The following CDK5RAP3 variants were observed in gnomAD, a reference collection of about 807,000 sequenced individuals.
The protein encoded by CDK5RAP3 is CDK5 regulatory subunit-associated protein 3.
CDK5RAP3 carries 58 observed loss-of-function variants against 73.3 expected under a neutral mutation model. That is an observed-to-expected ratio of 0.79 (90% CI 0.64 to 0.98). The LOEUF is 0.98. Among genes scored for constraint, CDK5RAP3 ranks in the 50% least tolerant of loss-of-function variants. The pLI, the probability that CDK5RAP3 is intolerant of heterozygous loss-of-function variation, is 0.00. For missense variants in CDK5RAP3, 525 were observed against 615.8 expected (o/e 0.85, Z 1.56); for synonymous variants, 224 against 247.5 (o/e 0.91, Z 0.89).
At chr17:47,974,205 T>C (rs538253737) in intron 4 of CDK5RAP3, 174 bp downstream of exon 4, 1 of 709,132 alleles carries the variant, frequency 1.4e-6, no homozygotes, top group South Asian at 1.8e-5. Context: ...TGAGTTTAAT[T>C]TTCAAACCCA....
upstream of CDK5RAP3, chr17:47,970,787 G>C (rs1387401471): frequency 2.0e-6 from 3 of 1,485,026 alleles, no homozygotes; most frequent in East Asian, 7.4e-5. Flanking sequence ...AATCTGCGTG[G>C]AGAAGACCCA....
upstream of CDK5RAP3, among the ~76,000 whole-genome samples, chr17:47,969,311 C>CT (rs1391111288): frequency 6.6e-6 from 1 of 151,892 alleles, no homozygotes; most frequent in Non-Finnish European, 1.5e-5. Context: ...AATCCCAGCA[C>CT]TTTAGGAGGC....
chr17:47,977,808 T>C, intron 9 of CDK5RAP3, 24 bp from the exon 10 acceptor site: 2 of 1,605,836 alleles, frequency 1.2e-6, no homozygotes, highest in Non-Finnish European at 1.7e-6. Context: ...CCCCCATTGC[T>C]GTGGTTCTTT....
rs765323967 is a variant in CDK5RAP3 at position 47,981,459 on chromosome 17, G to A, written c.1478G>A (p.Arg493Lys). 3.1e-6 allele frequency: 5 copies of A among 1,614,248 alleles called. No homozygotes were observed. The Admixed American group carries it at 8.3e-5, about 27-fold the overall frequency. ...CAGATTGAAGCTGACATCTCCAAGAGGTACAGCGGGCGCCCTGTGAACCTG... is the reference window on the plus strand; with the variant it reads ...CAGATTGAAGCTGACATCTCCAAGAAGTACAGCGGGCGCCCTGTGAACCTG... Reference protein sequence around the residue: ...QKLIEADISKRYSGRPVNLMG... With the variant: ...QKLIEADISKKYSGRPVNLMG... The change falls in exon 14 of 14, where the codon AGG becomes AAG. Residue 493 changes from arginine (R) to lysine (K), a missense_variant. Transcript: ENST00000338399.
At chr17:47,968,269 T>G (rs1249087708), upstream of CDK5RAP3, among the ~76,000 whole-genome samples, 1 of 152,124 alleles carries the variant, frequency 6.6e-6, no homozygotes, top group African/African-American at 2.4e-5. Flanking sequence ...TGAGCCATTT[T>G]CAGAGCAGTT....
upstream of CDK5RAP3, chr17:47,970,843 G>T: frequency 2.1e-6 from 3 of 1,408,328 alleles, no homozygotes; most frequent in Non-Finnish European, 2.9e-6. Flanking sequence ...CTCGAGCGCC[G>T]CCTGTCGCAA....
At chr17:47,969,654 C>A (rs2036225977), upstream of CDK5RAP3, among the ~76,000 whole-genome samples, 1 of 151,854 alleles carries the variant, frequency 6.6e-6, no homozygotes, top group Non-Finnish European at 1.5e-5. Context: ...CCTTACTCTA[C>A]CCACTTCTTG....
At chr17:47,974,187 C>T in intron 4 of CDK5RAP3, 156 bp downstream of exon 4, 3 of 711,054 alleles carry the variant, frequency 4.2e-6, no homozygotes, top group South Asian at 1.8e-5. Flanking sequence ...AAAAGTGGAT[C>T]CTATCCCTGA....
upstream of CDK5RAP3, among the ~76,000 whole-genome samples, chr17:47,968,729 G>A (rs2036213640): frequency 6.6e-6 from 1 of 152,120 alleles, no homozygotes; most frequent in African/African-American, 2.4e-5. Context: ...TGTTGATCAG[G>A]CTGGTCTCAA....
intron 11 of CDK5RAP3, chr17:47,979,464 G>C (rs1013443030): frequency 1.3e-5 from 2 of 153,112 alleles, no homozygotes; most frequent in African/African-American, 4.8e-5. Context: ...ACCTTGCACA[G>C]TTGACCAGCA....
In CDK5RAP3 at chr17:47,973,918, T is replaced by C; in HGVS notation, c.185-13T>C. On this transcript the variant is annotated splice_polypyrimidine_tract_variant and intron_variant, in intron 3 of 13. Coordinates refer to ENST00000338399, the MANE Select transcript of CDK5RAP3 (RefSeq NM_176096.3). The stretch of plus-strand genomic sequence containing the variant: ...ATACTTTAGTTCTCGAAATCCCGTC[T>C]CTTGCTTTCTAGACATTCACTACTT... 1 of 1,599,930 alleles carries C rather than the reference T, an allele frequency of 6.3e-7. No homozygotes were observed. The highest frequency in any genetic ancestry group is 1.3e-5 in the African/African-American group (1 of 74,748).
chr17:47,976,147 C>G, intron 8 of CDK5RAP3, 134 bp downstream of exon 8: 1 of 1,105,024 alleles, frequency 9.0e-7, no homozygotes, highest in Non-Finnish European at 1.3e-6. Context: ...GGTAGAAGGG[C>G]CCAGGAGGCC....
chr17:47,975,713 CCCTT>C, intron 7 of CDK5RAP3, 60 bp downstream of exon 7: 20 of 1,567,594 alleles, frequency 1.3e-5, no homozygotes, highest in Non-Finnish European at 1.7e-5. Context: ...CAGCTCATGA[CCCTT>C]CTCCAGTTGT....
At chr17:47,977,739 G>C in intron 9 of CDK5RAP3, 93 bp from the exon 10 acceptor site, 1 of 1,005,202 alleles carries the variant, frequency 9.9e-7, no homozygotes, top group Non-Finnish European at 1.5e-6. Flanking sequence ...GGAATGTGCA[G>C]CCATTGACCT....
chr17:47,971,113 A>G lies in CDK5RAP3; in HGVS notation c.-34A>G. 3 of 1,551,974 alleles carry G rather than the reference A, an allele frequency of 1.9e-6. No individual in the cohort carries two copies. Among genetic ancestry groups the G allele is most frequent in the Non-Finnish European group, 2.6e-6 (3 of 1,147,146 alleles). ...GATTGGTGGTAGGGCGGGGCGGGCC[A>G]CAGTCTCCAGCCTGAAGCGGAAGTG... On this transcript the variant is annotated 5_prime_UTR_variant, in exon 1 of 14. Coordinates refer to ENST00000338399, the MANE Select transcript of CDK5RAP3 (RefSeq NM_176096.3).
At chr17:47,976,470 C>A in intron 8 of CDK5RAP3, 1 of 422,222 alleles carries the variant, frequency 2.4e-6, no homozygotes, top group East Asian at 5.3e-5. Context: ...AGCGATCCTC[C>A]CAAGTCAGCC....
chr17:47,968,150 G>A (rs1449143881), upstream of CDK5RAP3, among the ~76,000 whole-genome samples: 1 of 152,106 alleles, frequency 6.6e-6, no homozygotes, highest in Non-Finnish European at 1.5e-5. Flanking sequence ...TTAAGTGTGT[G>A]TTTAATCATG....
chr17:47,981,062 G>C, intron 12 of CDK5RAP3, 101 bp from the exon 13 acceptor site: 3 of 1,316,448 alleles, frequency 2.3e-6, no homozygotes, highest in Middle Eastern at 1.9e-4. Context: ...TAAGCGGCCA[G>C]TTGGGGGTTT....
intron 2 of CDK5RAP3, among the ~76,000 whole-genome samples, chr17:47,972,957 G>A (rs1480069723): frequency 1.3e-5 from 2 of 152,140 alleles, no homozygotes; most frequent in Non-Finnish European, 2.9e-5. Context: ...CCACAAATCT[G>A]GGCCCAGACT....
Sources: allele counts gnomAD v4.1 joint callset (sites outside exome capture counted in the v4.1 genomes callset), GRCh38; gene constraint gnomAD v4.1.1; transcripts MANE v1.5; gene names NCBI Gene and HGNC (gene_info 2026-07-23, HGNC 2026-07-21).